Variants in CADM1 observed in about 807,000 individuals in gnomAD.
The protein encoded by CADM1 is TSLC-1.
CADM1 carries 15 observed loss-of-function variants against 53.1 expected under a neutral mutation model. The observed-to-expected ratio is 0.28, with a 90% CI of 0.19 to 0.44. CADM1 has a LOEUF of 0.44. Ranked by LOEUF, CADM1 falls within the 20% of genes least tolerant of loss-of-function variation. The pLI is 1.00. For missense variants in CADM1, 434 were observed against 611.3 expected (o/e 0.71, Z 3.06); for synonymous variants, 281 against 243.0 (o/e 1.16, Z -1.45).
chr11:115,295,550 A>ATATATATATATATTAT (rs371584699), intron 1 of CADM1, among the ~76,000 whole-genome samples: 10 of 52,998 alleles, frequency 1.9e-4, no homozygotes, highest in African/African-American at 1.1e-3. Flanking sequence ...ATATATATAT[A>ATATATATATATATTAT]ATATATATGT....
chr11:115,412,664 G>A (rs1188545256), intron 1 of CADM1, among the ~76,000 whole-genome samples: 1 of 152,182 alleles, frequency 6.6e-6, no homozygotes, highest in East Asian at 1.9e-4. Flanking sequence ...CAGGAGGGCT[G>A]TGCCACTTTT....
intron 1 of CADM1, among the ~76,000 whole-genome samples, chr11:115,458,493 AATTATTATTATTATTATTATT>A (rs67114126): frequency 4.9e-5 from 7 of 143,636 alleles, no homozygotes; most frequent in East Asian, 2.0e-4. Flanking sequence ...TGTTAGCTGT[AATTATTATTATTATTATTATT>A]ATTATTATTA....
rs528384592 is a variant in CADM1 at position 115,317,641 on chromosome 11, T to C, written c.125-77221A>G. Among the ~76,000 whole-genome samples the C allele has an allele frequency of 5.3e-5, 8 of 152,324 alleles. No individual in the cohort carries two copies. The South Asian group carries it at 1.4e-3, about 28-fold the overall frequency. ...CAACTGCAAAGGATATTTACATCCATCCTGTAACCATGACAGCTGTGTCAC... is the reference window on the plus strand; with the variant it reads ...CAACTGCAAAGGATATTTACATCCACCCTGTAACCATGACAGCTGTGTCAC... On this transcript the variant is annotated intron_variant, in intron 1 of 11. Coordinates refer to ENST00000331581, the MANE Select transcript of CADM1 (RefSeq NM_001301043.2).
chr11:115,216,683 A>G (rs1279140075), intron 6 of CADM1, among the ~76,000 whole-genome samples: 2 of 152,198 alleles, frequency 1.3e-5, no homozygotes, highest in African/African-American at 4.8e-5. Context: ...CCAGCTCCTA[A>G]AGGTCATTTA....
chr11:115,251,398 G>A (rs1942601376), intron 1 of CADM1, among the ~76,000 whole-genome samples: 1 of 150,836 alleles, frequency 6.6e-6, no homozygotes, highest in Admixed American at 6.6e-5. Flanking sequence ...CATCAGATAT[G>A]GACTCAGAGT....
intron 1 of CADM1, among the ~76,000 whole-genome samples, chr11:115,310,353 A>G (rs1282992996): frequency 6.6e-6 from 1 of 152,078 alleles, no homozygotes; most frequent in African/African-American, 2.4e-5. Context: ...TAATTTTACC[A>G]TTATTGCTGA....
At position 115,178,483 on chromosome 11, in the gene CADM1, GT is replaced by G. The variant is rs375004893; in HGVS notation, c.1297+160del. ...AGCGGCTGCTAAGATTTCTGGTTTT[GT>G]TTTTTTTTTTTTTTTTCTCTTCTCT... On this transcript the variant is annotated intron_variant, in intron 11 of 11. Transcript: ENST00000331581. Among the ~76,000 whole-genome samples the G allele has an allele frequency of 2.6e-3, 343 of 133,804 alleles. 1 individual carries two copies. The highest frequency in any genetic ancestry group is 3.5e-3 in the Admixed American group (46 of 13,294). The allele number at this position is 133,804 out of a possible 152,430, so 87.8% of individuals were successfully genotyped here.
chr11:115,272,402 G>A (rs1779545784), intron 1 of CADM1, among the ~76,000 whole-genome samples: 3 of 151,582 alleles, frequency 2.0e-5, no homozygotes, highest in South Asian at 4.2e-4. Flanking sequence ...TTATTCAGGT[G>A]TATATAAAAA....
chr11:115,175,997 T>C lies in CADM1; in HGVS notation c.*477A>G, dbSNP rs1939009798. ...AATTTGGAACAGAAAGCAGTTACCATAAAAATAAACAAAAGTAAAAAACTA... is the reference window on the plus strand; with the variant it reads ...AATTTGGAACAGAAAGCAGTTACCACAAAAATAAACAAAAGTAAAAAACTA... On this transcript the variant is annotated 3_prime_UTR_variant, in exon 12 of 12. Coordinates refer to ENST00000331581, the MANE Select transcript of CADM1 (RefSeq NM_001301043.2). 1 of 1,041,210 alleles carries C rather than the reference T, an allele frequency of 9.6e-7. No homozygotes were observed. Among genetic ancestry groups the C allele is most frequent in the South Asian group, 3.5e-5 (1 of 28,894 alleles). The allele number at this position is 1,041,210 out of a possible 1,614,324, so 64.5% of individuals were successfully genotyped here. A position where few individuals can be genotyped will look rare whatever the true frequency, so the allele number is the denominator to read the frequency against.
intron 1 of CADM1, among the ~76,000 whole-genome samples, chr11:115,403,841 C>T (rs999776537): frequency 2.0e-5 from 3 of 151,580 alleles, no homozygotes; most frequent in Non-Finnish European, 2.9e-5. Context: ...AAGTGATCTG[C>T]CCTCCACAGC....
chr11:115,221,723 G>GTCTTTGCAT (rs1198535724), intron 5 of CADM1, among the ~76,000 whole-genome samples: 6 of 152,132 alleles, frequency 3.9e-5, no homozygotes, highest in Non-Finnish European at 7.4e-5. Context: ...AACGTATCAG[G>GTCTTTGCAT]TCTTTGCATT....
chr11:115,216,015 A>C (rs948383330), intron 6 of CADM1, among the ~76,000 whole-genome samples: 4 of 152,262 alleles, frequency 2.6e-5, no homozygotes, highest in African/African-American at 4.8e-5. Flanking sequence ...TTTAAAAATT[A>C]GTACTGCATA....
chr11:115,271,886 T>G (rs1943309135), intron 1 of CADM1, among the ~76,000 whole-genome samples: 1 of 152,210 alleles, frequency 6.6e-6, no homozygotes, highest in Non-Finnish European at 1.5e-5. Context: ...GCATCTTTAA[T>G]TAGTCTCAAT....
intron 1 of CADM1, among the ~76,000 whole-genome samples, chr11:115,493,950 A>G (rs1363760822): frequency 6.6e-6 from 1 of 152,224 alleles, no homozygotes; most frequent in Non-Finnish European, 1.5e-5. Context: ...TCTGCAGCAG[A>G]GAGAACAAAG....
At chr11:115,226,967 C>T (rs939505903) in intron 5 of CADM1, among the ~76,000 whole-genome samples, 2 of 152,166 alleles carry the variant, frequency 1.3e-5, no homozygotes, top group African/African-American at 4.8e-5. Flanking sequence ...GATATCAAAC[C>T]AGATGCGAAG....
At chr11:115,325,208 A>C (rs1944929567) in intron 1 of CADM1, among the ~76,000 whole-genome samples, 1 of 152,150 alleles carries the variant, frequency 6.6e-6, no homozygotes, top group South Asian at 2.1e-4. Context: ...TTATCTCCCC[A>C]GAGGGCTCTC....
At chr11:115,365,526 G>T (rs1946134467) in intron 1 of CADM1, among the ~76,000 whole-genome samples, 1 of 151,896 alleles carries the variant, frequency 6.6e-6, no homozygotes. Context: ...ACTAGGCCTT[G>T]ACCTAATATC....
chr11:115,417,769 T>G (rs1315380419), intron 1 of CADM1, among the ~76,000 whole-genome samples: 1 of 152,206 alleles, frequency 6.6e-6, no homozygotes, highest in East Asian at 1.9e-4. Context: ...TCTGGAATTT[T>G]CTATTTAATC....
intron 1 of CADM1, among the ~76,000 whole-genome samples, chr11:115,450,888 C>G (rs1948557305): frequency 6.6e-6 from 1 of 152,162 alleles, no homozygotes; most frequent in African/African-American, 2.4e-5. Flanking sequence ...ATCTTTCCCC[C>G]ACAACCCCAA....
Sources: gnomAD v4.1 joint callset for allele counts (sites outside exome capture counted in the v4.1 genomes callset) on GRCh38, gnomAD v4.1.1 for gene constraint, MANE v1.5 for transcripts, NCBI Gene and HGNC (gene_info 2026-07-23, HGNC 2026-07-21) for gene names.